Variants in PDE1C observed in about 807,000 individuals in gnomAD.
The protein encoded by PDE1C is phosphodiesterase 1C.
Under a neutral mutation model 93.1 loss-of-function variants are expected in PDE1C, and 62 were observed. The observed-to-expected ratio is 0.67, with a 90% CI of 0.54 to 0.82. The LOEUF is 0.82. PDE1C is among the 40% of genes least tolerant of loss of function. PDE1C has a pLI of 0.00. For missense variants in PDE1C, 742 were observed against 884.6 expected (o/e 0.84, Z 2.04); for synonymous variants, 325 against 310.1 (o/e 1.05, Z -0.50).
At chr7:31,754,093 C>T (rs1321815066) in intron 17 of PDE1C, among the ~76,000 whole-genome samples, 1 of 152,172 alleles carries the variant, frequency 6.6e-6, no homozygotes, top group Non-Finnish European at 1.5e-5. Flanking sequence ...GGCAAAACAT[C>T]TGAACAGACT....
the PDE1C span, among the ~76,000 whole-genome samples, chr7:31,695,795 C>G: frequency 6.6e-6 from 1 of 151,496 alleles, no homozygotes; most frequent in East Asian, 2.0e-4. Flanking sequence ...CAGATACATT[C>G]TAAAATATTA....
upstream of PDE1C, among the ~76,000 whole-genome samples, chr7:32,302,202 G>C (rs1812897912): frequency 6.6e-6 from 1 of 152,108 alleles, no homozygotes; most frequent in African/African-American, 2.4e-5. Flanking sequence ...GTCAGGGTTT[G>C]GGTAACTTCT....
intron 1 of PDE1C, among the ~76,000 whole-genome samples, chr7:32,377,654 A>G (rs565212996): frequency 6.6e-6 from 1 of 152,294 alleles, no homozygotes; most frequent in South Asian, 2.1e-4. Flanking sequence ...AGTCTTCACA[A>G]TAACACTGTG....
chr7:32,402,550 C>T (rs1054116021), intron 1 of PDE1C, among the ~76,000 whole-genome samples: 1 of 152,112 alleles, frequency 6.6e-6, no homozygotes, highest in African/African-American at 2.4e-5. Context: ...ACGATGCCCA[C>T]CCACATTGGT....
chr7:31,731,217 G>A, the PDE1C span, among the ~76,000 whole-genome samples: 3 of 152,180 alleles, frequency 2.0e-5, no homozygotes, highest in South Asian at 6.2e-4. Context: ...AGGGAAAATA[G>A]GAAGCACACC....
chr7:31,725,591 A>T, the PDE1C span, among the ~76,000 whole-genome samples: 1 of 152,134 alleles, frequency 6.6e-6, no homozygotes, highest in Non-Finnish European at 1.5e-5. Context: ...GGAGTGAGGG[A>T]ACACTCATCA....
intron 1 of PDE1C, among the ~76,000 whole-genome samples, chr7:32,264,296 A>C (rs914079709): frequency 1.3e-4 from 20 of 152,218 alleles, no homozygotes; most frequent in African/African-American, 4.8e-4. Context: ...AATATTTATC[A>C]AGCACCTACT....
chr7:31,733,841 A>G, the PDE1C span, among the ~76,000 whole-genome samples: 3 of 151,992 alleles, frequency 2.0e-5, no homozygotes, highest in Non-Finnish European at 4.4e-5. Context: ...ACTAAAAAAA[A>G]CAATACAAAA....
At chr7:31,979,408 C>T (rs542039910) in intron 2 of PDE1C, among the ~76,000 whole-genome samples, 1 of 152,116 alleles carries the variant, frequency 6.6e-6, no homozygotes, top group African/African-American at 2.4e-5. Context: ...AATACATAGT[C>T]ATTATTTTAC....
At chr7:32,273,425 T>G (rs1811089099) in intron 1 of PDE1C, among the ~76,000 whole-genome samples, 1 of 152,214 alleles carries the variant, frequency 6.6e-6, no homozygotes, top group South Asian at 2.1e-4. Flanking sequence ...ACTTCTGAAG[T>G]AAAAGTATGG....
rs117435525 is a variant in PDE1C, at chr7:32,266,767, C to T, written c.85+31884G>A. On this transcript the variant is annotated intron_variant, in intron 1 of 18. Transcript: ENST00000396193. ...CTGGAGCTGGCGGTGAGGATGAACACTCAAGGCAGGGGGCAGTGCAAAGAC... is the reference window on the plus strand; with the variant it reads ...CTGGAGCTGGCGGTGAGGATGAACATTCAAGGCAGGGGGCAGTGCAAAGAC... Among the ~76,000 whole-genome samples the T allele has an allele frequency of 4.3e-4, 66 of 152,220 alleles. No individual in the cohort carries two copies. The East Asian group carries it at 0.011, about 26-fold the overall frequency.
At chr7:31,698,932 A>G in the PDE1C span, among the ~76,000 whole-genome samples, 1 of 152,194 alleles carries the variant, frequency 6.6e-6, no homozygotes, top group African/African-American at 2.4e-5. Flanking sequence ...TAAGGCAGTG[A>G]TATCTTTAGC....
chr7:31,623,561 A>G, the PDE1C span, among the ~76,000 whole-genome samples: 4 of 151,614 alleles, frequency 2.6e-5, no homozygotes, highest in African/African-American at 9.7e-5. Flanking sequence ...ACAACCCTTC[A>G]TACTAAAAAC....
At chr7:31,713,815 CT>C in the PDE1C span, among the ~76,000 whole-genome samples, 1 of 152,186 alleles carries the variant, frequency 6.6e-6, no homozygotes, top group Non-Finnish European at 1.5e-5. Context: ...TATCTTGGCC[CT>C]TTTTAATCAT....
chr7:31,729,293 G>T, the PDE1C span, among the ~76,000 whole-genome samples: 1 of 152,176 alleles, frequency 6.6e-6, no homozygotes, highest in East Asian at 1.9e-4. Flanking sequence ...CTTGTGTGAG[G>T]TTAGCTTAGC....
chr7:32,312,326 C>A (rs1783064394), intron 1 of PDE1C, among the ~76,000 whole-genome samples: 1 of 151,086 alleles, frequency 6.6e-6, no homozygotes, highest in African/African-American at 2.4e-5. Flanking sequence ...AATGGCCATA[C>A]TGCCCAAGGT....
intron 1 of PDE1C, among the ~76,000 whole-genome samples, chr7:32,362,111 C>T (rs1244185272): frequency 3.3e-5 from 5 of 151,998 alleles, no homozygotes; most frequent in African/African-American, 7.3e-5. Context: ...GCGGGGAGAA[C>T]GATGGGGTCA....
At position 31,837,203 on chromosome 7, in the gene PDE1C, G is replaced by A; in HGVS notation, c.1180C>T (p.Leu394Phe). Residue 394 changes from leucine (L) to phenylalanine (F), a missense_variant, in exon 11 of 18, where the codon CTC (leucine) becomes TTC (phenylalanine). Leu to Phe is a conservative substitution (Grantham distance 22, BLOSUM62 0). Transcript: ENST00000396191. The stretch of plus-strand genomic sequence containing the variant: ...ACCTGTCTGAAGAACTCCTCCAGGA[G>A]TGACATTGTCCAGCGATGATGGAGG... ...WDLHHRWTMS[L>F]LEEFFRQGDR... 2 of 1,613,802 alleles carry A rather than the reference G, an allele frequency of 1.2e-6. No homozygotes were observed. Among genetic ancestry groups the A allele is most frequent in the South Asian group, 1.1e-5 (1 of 91,068 alleles).
At chr7:32,263,216 A>C (rs928058309) in intron 1 of PDE1C, among the ~76,000 whole-genome samples, 5 of 152,198 alleles carry the variant, frequency 3.3e-5, no homozygotes, top group Admixed American at 2.0e-4. Flanking sequence ...ACTTACAAAA[A>C]GTTGCAAAAA....
Sources: allele counts gnomAD v4.1 joint callset (sites outside exome capture counted in the v4.1 genomes callset), GRCh38; gene constraint gnomAD v4.1.1; transcripts MANE v1.5; gene names NCBI Gene and HGNC (gene_info 2026-07-23, HGNC 2026-07-21).